RAD52: variants seen among roughly 807,000 people sequenced by gnomAD.
RAD52 encodes DNA repair protein RAD52 homolog.
In RAD52, 47 loss-of-function variants were observed where a neutral mutation model predicts 55.5. The ratio of observed to expected loss-of-function variants is 0.85; its 90% CI spans 0.67 to 1.08. The LOEUF is 1.08. Among genes scored for constraint, RAD52 ranks in the 50% least tolerant of loss-of-function variants. The pLI, the probability that RAD52 is intolerant of heterozygous loss-of-function variation, is 0.00. For synonymous variants in RAD52, 184 were observed against 198.9 expected, an observed-to-expected ratio of 0.92 and a Z score of 0.63; for missense variants, 468 against 522.8, an observed-to-expected ratio of 0.90 and a Z score of 1.02.
chr12:944,626 A>AAC (rs977971042), intron 1 of RAD52, among the ~76,000 whole-genome samples: 1 of 151,658 alleles, frequency 6.6e-6, no homozygotes, highest in African/African-American at 2.4e-5. Context: ...AAAAAAAAAA[A>AAC]AACTCAGGGG....
chr12:916,482 T>A lies in RAD52; in HGVS notation c.727A>T (p.Ser243Cys), dbSNP rs200290763. 1.1e-5 allele frequency: 18 copies of A among 1,607,752 alleles called. No individual in the cohort carries two copies. The highest frequency in any genetic ancestry group is 1.5e-5 in the Non-Finnish European group (18 of 1,179,568). ...CTCTCCACGGCGGATGAGCTCAGGC[T>A]TCTGCATGAGAGGGCGGCGGCGAGG... ...IPADQDCSSR[S>C]LSSSAVESEA... Residue 243 changes from serine (S) to cysteine (C), a missense_variant and splice_region_variant, in exon 9 of 12, where the codon AGC (serine) becomes TGC (cysteine). Physicochemically the swap from Ser to Cys is moderately radical, Grantham distance 112 (BLOSUM62 -1). Coordinates refer to ENST00000358495, the MANE Select transcript of RAD52 (RefSeq NM_134424.4).
chr12:984,299 G>A (rs1194502324), intron 1 of RAD52, among the ~76,000 whole-genome samples: 1 of 151,288 alleles, frequency 6.6e-6, no homozygotes, highest in Non-Finnish European at 1.5e-5. Context: ...GGGTTCAAGC[G>A]ATTTTCCTGC....
intron 1 of RAD52, among the ~76,000 whole-genome samples, chr12:986,381 T>C (rs988260351): frequency 1.3e-5 from 2 of 151,982 alleles, no homozygotes; most frequent in Non-Finnish European, 2.9e-5. Context: ...GTTTTTATTT[T>C]TGAGACAGGG....
upstream of RAD52, among the ~76,000 whole-genome samples, chr12:953,421 C>T (rs752340808): frequency 1.3e-5 from 2 of 152,096 alleles, no homozygotes; most frequent in South Asian, 2.1e-4. Context: ...ATGAGGCCAC[C>T]GGAAACTGGA....
At chr12:972,760 C>T (rs146865735) in intron 1 of RAD52, among the ~76,000 whole-genome samples, 7,311 of 116,506 alleles carry the variant, frequency 0.063, 300 homozygotes, top group Admixed American at 0.17. Flanking sequence ...AGCGAGACTC[C>T]GTCTCAAAAA....
At chr12:950,443 C>A (rs1030697925), upstream of RAD52, among the ~76,000 whole-genome samples, 2 of 151,836 alleles carry the variant, frequency 1.3e-5, no homozygotes, top group Admixed American at 6.6e-5. Context: ...TGGTGGCGGG[C>A]GCCTGTAGTC....
At chr12:985,426 AAAG>A (rs1160384623) in intron 1 of RAD52, among the ~76,000 whole-genome samples, 4 of 152,270 alleles carry the variant, frequency 2.6e-5, no homozygotes, top group African/African-American at 9.6e-5. Flanking sequence ...TTACAGGCAT[AAAG>A]CCACTGCACC....
At chr12:971,873 C>G (rs992662075) in intron 1 of RAD52, among the ~76,000 whole-genome samples, 1 of 152,088 alleles carries the variant, frequency 6.6e-6, no homozygotes, top group Non-Finnish European at 1.5e-5. Flanking sequence ...CTCAGCCTCC[C>G]GAGTAGCTGG....
intron 1 of RAD52, among the ~76,000 whole-genome samples, chr12:961,830 T>C (rs968689193): frequency 2.6e-5 from 4 of 152,018 alleles, no homozygotes; most frequent in African/African-American, 9.7e-5. Context: ...TCCACTGCAC[T>C]GCAGCCTGGA....
intron 1 of RAD52, among the ~76,000 whole-genome samples, chr12:967,890 C>T (rs541886210): frequency 1.2e-4 from 19 of 152,066 alleles, no homozygotes; most frequent in Admixed American, 2.0e-4. Context: ...GAGCCGAGAT[C>T]GCACCTCTGC....
chr12:941,708 C>A (rs1212391944), intron 1 of RAD52, among the ~76,000 whole-genome samples: 2 of 152,182 alleles, frequency 1.3e-5, no homozygotes, highest in East Asian at 3.8e-4. Flanking sequence ...TCTCAGCTCA[C>A]TGCAACCTCC....
intron 1 of RAD52, among the ~76,000 whole-genome samples, chr12:982,591 T>C (rs1959031780): frequency 6.6e-6 from 1 of 151,096 alleles, no homozygotes; most frequent in Admixed American, 6.6e-5. Context: ...AATTTCCGTC[T>C]GAGACCTCCC....
chr12:942,926 C>T (rs561071961), intron 1 of RAD52, among the ~76,000 whole-genome samples: 1 of 152,102 alleles, frequency 6.6e-6, no homozygotes, highest in Non-Finnish European at 1.5e-5. Flanking sequence ...GAATAGGCAA[C>T]CAGACAGAGG....
At chr12:935,611 C>G (rs1303837687) in intron 1 of RAD52, among the ~76,000 whole-genome samples, 1 of 151,144 alleles carries the variant, frequency 6.6e-6, no homozygotes, top group Admixed American at 6.6e-5. Context: ...CCCAACACTT[C>G]GGGAGGCTGA....
At chr12:932,292 C>T (rs576531967) in intron 2 of RAD52, among the ~76,000 whole-genome samples, 10 of 152,226 alleles carry the variant, frequency 6.6e-5, no homozygotes, top group African/African-American at 2.2e-4. Flanking sequence ...GTCAGGAGTT[C>T]GAGACCAGCC....
At chr12:929,495 C>G (rs1382482195) in intron 5 of RAD52, among the ~76,000 whole-genome samples, 1 of 152,148 alleles carries the variant, frequency 6.6e-6, no homozygotes, top group African/African-American at 2.4e-5. Context: ...AGTTGAGTTT[C>G]CAAACACTTA....
chr12:977,272 G>A (rs553666566), intron 1 of RAD52, among the ~76,000 whole-genome samples: 1 of 152,282 alleles, frequency 6.6e-6, no homozygotes, highest in African/African-American at 2.4e-5. Flanking sequence ...ATTGCTGCAT[G>A]TGCAATGTCT....
At chr12:954,356 G>A (rs1958576551), upstream of RAD52, among the ~76,000 whole-genome samples, 1 of 152,156 alleles carries the variant, frequency 6.6e-6, no homozygotes, top group Admixed American at 6.5e-5. Flanking sequence ...AACAGGCTGG[G>A]CGCGGTGGCT....
At chr12:959,055 T>A (rs1958649835) in intron 1 of RAD52, among the ~76,000 whole-genome samples, 1 of 152,148 alleles carries the variant, frequency 6.6e-6, no homozygotes, top group Admixed American at 6.6e-5. Flanking sequence ...CATTTAGGCA[T>A]ATGACTTAAT....
Sources: allele counts gnomAD v4.1 joint callset (sites outside exome capture counted in the v4.1 genomes callset), GRCh38; gene constraint gnomAD v4.1.1; transcripts MANE v1.5; gene names NCBI Gene and HGNC (gene_info 2026-07-23, HGNC 2026-07-21).